Variants in MRAP2 observed in about 807,000 individuals in gnomAD.
MRAP2 encodes melanocortin-2 receptor accessory protein 2.
A neutral mutation model predicts 17.4 loss-of-function variants in MRAP2; 20 were observed. The observed-to-expected ratio is 1.15, with a 90% CI of 0.81 to 1.67. The LOEUF (loss-of-function observed/expected upper bound fraction) is 1.67. Among genes scored for constraint, MRAP2 ranks in the 40% most tolerant of loss-of-function variants. The pLI is 0.00. For missense variants in MRAP2, 238 were observed against 240.0 expected (o/e 0.99, Z 0.05); for synonymous variants, 96 against 88.4 (o/e 1.09, Z -0.48).
At chr6:84,091,125 A>G (rs1458400693), downstream of MRAP2, among the ~76,000 whole-genome samples, 1 of 150,952 alleles carries the variant, frequency 6.6e-6, no homozygotes, top group Non-Finnish European at 1.5e-5. Flanking sequence ...AAAACAAAGC[A>G]TGGAATTTTT....
chr6:84,144,314 T>TATAC, the MRAP2 span, among the ~76,000 whole-genome samples: 1 of 152,180 alleles, frequency 6.6e-6, no homozygotes, highest in African/African-American at 2.4e-5. Flanking sequence ...CCAGAAGTTG[T>TATAC]ATACAATTCC....
chr6:84,084,810 G>A (rs952306495), intron 3 of MRAP2, among the ~76,000 whole-genome samples: 24 of 151,922 alleles, frequency 1.6e-4, no homozygotes, highest in African/African-American at 5.6e-4. Flanking sequence ...GCCAGCTGGA[G>A]TCCCAGAAGA....
At chr6:84,146,198 A>C in the MRAP2 span, among the ~76,000 whole-genome samples, 14 of 152,088 alleles carry the variant, frequency 9.2e-5, no homozygotes, top group African/African-American at 3.4e-4. Flanking sequence ...GAGAGTTCTA[A>C]GCCACCATTT....
intron 3 of MRAP2, among the ~76,000 whole-genome samples, chr6:84,082,696 G>A (rs778847841): frequency 1.3e-4 from 19 of 151,958 alleles, no homozygotes; most frequent in Non-Finnish European, 1.9e-4. Context: ...CTCCTGCCTC[G>A]GCCTTCCACA....
the MRAP2 span, among the ~76,000 whole-genome samples, chr6:84,099,561 T>C: frequency 2.6e-5 from 4 of 152,234 alleles, no homozygotes; most frequent in African/African-American, 9.6e-5. Context: ...ATGAGTGAGT[T>C]CTCTAAGAGT....
chr6:84,044,706 T>G lies in MRAP2; in HGVS notation c.-7-10606T>G, dbSNP rs1019277953. 3.3e-5 allele frequency among the ~76,000 whole-genome samples: 5 copies of G among 152,346 alleles called. No homozygotes were observed. The East Asian group carries it at 9.6e-4, about 29-fold the overall frequency. On this transcript the variant is annotated intron_variant, in intron 1 of 3. Coordinates refer to ENST00000257776, the MANE Select transcript of MRAP2 (RefSeq NM_138409.4). ...AATGAATGAGGGCCTCATTTTAACT[T>G]AATTACCCCTTTAAAGGCCCTATGT... is the stretch of plus-strand genomic sequence containing the variant.
the MRAP2 span, among the ~76,000 whole-genome samples, chr6:84,134,722 G>A: frequency 6.6e-6 from 1 of 152,096 alleles, no homozygotes; most frequent in African/African-American, 2.4e-5. Context: ...ACCTCAGTTG[G>A]AAATGTAGAA....
chr6:84,089,041 G>A, intron 3 of MRAP2, 50 bp from the exon 4 acceptor site: 2 of 1,544,356 alleles, frequency 1.3e-6, no homozygotes, highest in Non-Finnish European at 8.7e-7. Flanking sequence ...TGATTCTGCA[G>A]GTGAATGGGC....
At chr6:84,036,650 C>T (rs1378008306) in intron 1 of MRAP2, among the ~76,000 whole-genome samples, 1 of 152,106 alleles carries the variant, frequency 6.6e-6, no homozygotes, top group African/African-American at 2.4e-5. Flanking sequence ...ACCAAAGCTT[C>T]CACAGTGTGG....
chr6:84,139,666 T>C, the MRAP2 span, among the ~76,000 whole-genome samples: 3 of 152,204 alleles, frequency 2.0e-5, no homozygotes, highest in Admixed American at 1.3e-4. Flanking sequence ...TATCTGTCTA[T>C]AGCAGTCAGT....
chr6:84,128,299 C>A, the MRAP2 span, among the ~76,000 whole-genome samples: 4 of 152,088 alleles, frequency 2.6e-5, no homozygotes, highest in Admixed American at 6.5e-5. Flanking sequence ...TGAATATGTA[C>A]ATATATTTTA....
At position 84,049,788 on chromosome 6, in the gene MRAP2, A is replaced by G. The variant is rs116019025; in HGVS notation, c.-7-5524A>G. 6.2e-3 allele frequency among the ~76,000 whole-genome samples: 939 copies of G among 152,300 alleles called. 17 individuals are homozygous for G. Among genetic ancestry groups the G allele is most frequent in the African/African-American group, 0.021 (882 of 41,556 alleles). ...CTGGAAACAAGTTGCTTATGTGCACAGGAGAAGGGGGGATAGGCAGGAAAT... is the reference window on the plus strand; with the variant it reads ...CTGGAAACAAGTTGCTTATGTGCACGGGAGAAGGGGGGATAGGCAGGAAAT... On this transcript the variant is annotated intron_variant, in intron 1 of 3. Transcript: ENST00000257776.
chr6:84,121,191 C>G, the MRAP2 span, among the ~76,000 whole-genome samples: 1 of 151,922 alleles, frequency 6.6e-6, no homozygotes, highest in Non-Finnish European at 1.5e-5. Context: ...CCTTCTACCT[C>G]AGCCTCCTGA....
chr6:84,121,187 A>G, the MRAP2 span, among the ~76,000 whole-genome samples: 5 of 151,148 alleles, frequency 3.3e-5, no homozygotes, highest in Admixed American at 3.3e-4. Context: ...TGGTCCTTCT[A>G]CCTCAGCCTC....
chr6:84,117,682 T>TG, the MRAP2 span, among the ~76,000 whole-genome samples: 13 of 151,204 alleles, frequency 8.6e-5, no homozygotes, highest in African/African-American at 3.2e-4. Flanking sequence ...TGTGTGTGTG[T>TG]GTGGTTGTTG....
chr6:84,145,316 C>A, the MRAP2 span, among the ~76,000 whole-genome samples: 1 of 152,088 alleles, frequency 6.6e-6, no homozygotes, highest in Admixed American at 6.6e-5. Context: ...AATAAAGGGC[C>A]AATCTGAGAA....
chr6:84,079,361 A>C (rs2099498396), intron 3 of MRAP2, among the ~76,000 whole-genome samples: 1 of 152,234 alleles, frequency 6.6e-6, no homozygotes, highest in South Asian at 2.1e-4. Flanking sequence ...TAGTCTGTGG[A>C]AATAGAAATC....
At chr6:84,094,528 G>T (rs1026727857), downstream of MRAP2, among the ~76,000 whole-genome samples, 4 of 152,046 alleles carry the variant, frequency 2.6e-5, no homozygotes, top group African/African-American at 9.7e-5. Flanking sequence ...CTACATAATT[G>T]CAGGGCACAA....
At chr6:84,133,479 C>A in the MRAP2 span, among the ~76,000 whole-genome samples, 1 of 152,190 alleles carries the variant, frequency 6.6e-6, no homozygotes. Context: ...TAGAGGCAGG[C>A]AGGCTGGCCT....
Sources: allele counts gnomAD v4.1 joint callset (sites outside exome capture counted in the v4.1 genomes callset), GRCh38; gene constraint gnomAD v4.1.1; transcripts MANE v1.5; gene names NCBI Gene and HGNC (gene_info 2026-07-23, HGNC 2026-07-21).